The following SYNDIG1 variants were observed in gnomAD, a reference collection of about 807,000 sequenced individuals.
SYNDIG1 encodes the protein synapse differentiation inducing 1, also known as synapse differentiation-inducing gene protein 1.
SYNDIG1 carries 9 observed loss-of-function variants against 19.4 expected under a neutral mutation model. The ratio of observed to expected loss-of-function variants is 0.46; its 90% CI spans 0.28 to 0.81. SYNDIG1 has a LOEUF of 0.81. Among genes scored for constraint, SYNDIG1 ranks in the 30% least tolerant of loss-of-function variants. SYNDIG1 has a pLI of 0.12. For synonymous variants in SYNDIG1, 141 were observed against 145.9 expected (o/e 0.97, Z 0.24); for missense variants, 311 against 343.3 (o/e 0.91, Z 0.74).
At chr20:24,665,324 T>C in intron 3 of SYNDIG1, 22 bp from the exon 4 acceptor site, 1 of 1,582,428 alleles carries the variant, frequency 6.3e-7, no homozygotes, top group Admixed American at 1.9e-5. Context: ...AATGACTTCC[T>C]TTTTCTTCTC....
At chr20:24,663,541 C>T (rs1293074452) in intron 3 of SYNDIG1, among the ~76,000 whole-genome samples, 1 of 152,174 alleles carries the variant, frequency 6.6e-6, no homozygotes, top group Non-Finnish European at 1.5e-5. Flanking sequence ...TCCTGTCCCC[C>T]CAGAGCCCAG....
intron 2 of SYNDIG1, among the ~76,000 whole-genome samples, chr20:24,557,967 A>T (rs1407257161): frequency 2.0e-5 from 3 of 152,208 alleles, no homozygotes; most frequent in Non-Finnish European, 4.4e-5. Context: ...GCTGCAGCCG[A>T]GGAGATGGGA....
At chr20:24,484,192 T>C (rs951493212) in intron 1 of SYNDIG1, among the ~76,000 whole-genome samples, 1 of 151,522 alleles carries the variant, frequency 6.6e-6, no homozygotes, top group Non-Finnish European at 1.5e-5. Context: ...CTGCTGAGGG[T>C]TGGGAATTTT....
At chr20:24,567,867 C>T (rs561646986) in intron 2 of SYNDIG1, among the ~76,000 whole-genome samples, 1 of 152,348 alleles carries the variant, frequency 6.6e-6, no homozygotes, top group Admixed American at 6.5e-5. Flanking sequence ...GGCGTGGTGG[C>T]TCACGCCTGT....
chr20:24,542,402 A>C (rs1026424124), intron 1 of SYNDIG1, among the ~76,000 whole-genome samples: 3 of 152,174 alleles, frequency 2.0e-5, no homozygotes, highest in African/African-American at 4.8e-5. Flanking sequence ...GGTGCTACTC[A>C]AGATTCTGCA....
intron 3 of SYNDIG1, among the ~76,000 whole-genome samples, chr20:24,643,316 A>C (rs1233803560): frequency 3.3e-5 from 5 of 152,146 alleles, no homozygotes. Flanking sequence ...ATGAGAAGTA[A>C]CTTTATCAGC....
At chr20:24,546,009 G>A (rs1341264163) in intron 2 of SYNDIG1, among the ~76,000 whole-genome samples, 1 of 152,142 alleles carries the variant, frequency 6.6e-6, no homozygotes, top group African/African-American at 2.4e-5. Context: ...CCAAGAAATG[G>A]CCCCTTCCAC....
At chr20:24,566,187 G>T (rs769155166) in intron 2 of SYNDIG1, among the ~76,000 whole-genome samples, 3 of 152,138 alleles carry the variant, frequency 2.0e-5, no homozygotes, top group Non-Finnish European at 4.4e-5. Context: ...ATGGTTGAAG[G>T]CCTGCTGGCT....
chr20:24,522,511 CCTCCCCA>C (rs2057026578), intron 1 of SYNDIG1, among the ~76,000 whole-genome samples: 2 of 152,190 alleles, frequency 1.3e-5, no homozygotes, highest in East Asian at 3.9e-4. Flanking sequence ...CTGCCTATCT[CCTCCCCA>C]CTTCTCCCAA....
At chr20:24,645,165 G>A (rs1163666321) in intron 3 of SYNDIG1, among the ~76,000 whole-genome samples, 1 of 152,218 alleles carries the variant, frequency 6.6e-6, no homozygotes, top group Non-Finnish European at 1.5e-5. Context: ...GAATGATGTG[G>A]CGGTGCACTG....
intron 2 of SYNDIG1, among the ~76,000 whole-genome samples, chr20:24,554,145 A>G: frequency 6.6e-6 from 1 of 152,164 alleles, no homozygotes; most frequent in East Asian, 1.9e-4. Context: ...TGATTTTTGT[A>G]CATTGATTTT....
intron 3 of SYNDIG1, chr20:24,596,805 C>T (rs964265049): frequency 1.3e-5 from 2 of 152,270 alleles, no homozygotes; most frequent in African/African-American, 2.4e-5. Flanking sequence ...GACATATAAG[C>T]TCTGCATCCT....
chr20:24,480,155 C>T (rs75596983), intron 1 of SYNDIG1, among the ~76,000 whole-genome samples: 2,522 of 152,300 alleles, frequency 0.017, 90 homozygotes, highest in African/African-American at 0.057. Context: ...TTGGCATCCC[C>T]GCTTCTAGGT....
chr20:24,652,969 A>G (rs2059487835), intron 3 of SYNDIG1, among the ~76,000 whole-genome samples: 1 of 152,012 alleles, frequency 6.6e-6, no homozygotes, highest in Non-Finnish European at 1.5e-5. Flanking sequence ...TCTTAATGGC[A>G]CTTCTGGGAT....
At position 24,640,977 on chromosome 20, in the gene SYNDIG1, G is replaced by A. The variant is rs142403624; in HGVS notation, c.619-24369G>A. On this transcript the variant is annotated intron_variant, in intron 3 of 3. Coordinates refer to ENST00000376862, the MANE Select transcript of SYNDIG1 (RefSeq NM_024893.3). Reference sequence around the variant, plus strand: ...TTGCTAAGAATTGCTCTTCGTCCCCGGTGGGTGTTTAAAAAGAAAGATCTG... The same window carrying A: ...TTGCTAAGAATTGCTCTTCGTCCCCAGTGGGTGTTTAAAAAGAAAGATCTG... 4.7e-4 allele frequency among the ~76,000 whole-genome samples: 72 copies of A among 152,304 alleles called. No individual in the cohort carries two copies. The East Asian group carries it at 7.7e-3, about 16-fold the overall frequency.
intron 2 of SYNDIG1, among the ~76,000 whole-genome samples, chr20:24,565,449 G>A (rs796613009): frequency 1.2e-4 from 18 of 152,280 alleles, no homozygotes; most frequent in African/African-American, 3.9e-4. Context: ...GATGGGGGAC[G>A]GGGCATCTGT....
At chr20:24,662,211 T>C (rs553530266) in intron 3 of SYNDIG1, among the ~76,000 whole-genome samples, 55 of 151,804 alleles carry the variant, frequency 3.6e-4, no homozygotes, top group African/African-American at 1.2e-3. Context: ...TCTGCTTGTG[T>C]AACTTTTATT....
Position 24,543,312 on chromosome 20 carries a change from A to C in SYNDIG1, c.215A>C (p.Gln72Pro), listed in dbSNP as rs2057505424. The change falls in exon 2 of 4, where the codon CAG becomes CCG. Residue 72 changes from glutamine to proline, a missense_variant. By Grantham distance (76) the Gln-to-Pro change is moderately conservative. Coordinates refer to ENST00000376862, the MANE Select transcript of SYNDIG1 (RefSeq NM_024893.3). ...AGCAGCAGGAGTGAGCCGATGCAGC[A>C]GCTGCTGGACCCCAACACCCTGCAG... is the stretch of plus-strand genomic sequence containing the variant. ...LDSSRSEPMQQLLDPNTLQQS... is the reference protein window; with the variant it reads ...LDSSRSEPMQPLLDPNTLQQS... The C allele has an allele frequency of 2.5e-6, 4 of 1,613,538 alleles. No individual in the cohort carries two copies. Among genetic ancestry groups the C allele is most frequent in the Non-Finnish European group, 3.4e-6 (4 of 1,180,020 alleles).
chr20:24,504,119 C>T (rs564770624), intron 1 of SYNDIG1, among the ~76,000 whole-genome samples: 51 of 152,096 alleles, frequency 3.4e-4, no homozygotes, highest in Non-Finnish European at 6.2e-4. Context: ...GCCACCACGC[C>T]GACTAATTTT....
Sources: gnomAD v4.1 joint callset for allele counts (sites outside exome capture counted in the v4.1 genomes callset) on GRCh38, gnomAD v4.1.1 for gene constraint, MANE v1.5 for transcripts, NCBI Gene and HGNC (gene_info 2026-07-23, HGNC 2026-07-21) for gene names.